The following UST variants were observed in gnomAD, a reference collection of about 807,000 sequenced individuals.
The protein encoded by UST is uronyl 2-sulfotransferase.
Under a neutral mutation model 45.6 loss-of-function variants are expected in UST, and 21 were observed. The ratio of observed to expected loss-of-function variants is 0.46; its 90% CI spans 0.33 to 0.66. The LOEUF (loss-of-function observed/expected upper bound fraction) is 0.66, where lower values mean the gene tolerates loss of function less well. Among genes scored for constraint, UST ranks in the 30% least tolerant of loss-of-function variants. The pLI is 0.02. For missense variants in UST, 463 were observed against 512.4 expected (o/e 0.90, Z 0.93); for synonymous variants, 215 against 200.6 (o/e 1.07, Z -0.61).
At chr6:148,866,678 CTCTT>C (rs1315096914) in intron 1 of UST, among the ~76,000 whole-genome samples, 1 of 152,208 alleles carries the variant, frequency 6.6e-6, no homozygotes, top group African/African-American at 2.4e-5. Flanking sequence ...ACTTCATTCT[CTCTT>C]TCCAGCTTTC....
chr6:148,846,622 A>G (rs1332569375), intron 1 of UST, among the ~76,000 whole-genome samples: 2 of 152,122 alleles, frequency 1.3e-5, no homozygotes, highest in South Asian at 2.1e-4. Context: ...ATAAAAATAA[A>G]TAAATAAATA....
chr6:148,960,517 G>A (rs1780632538), intron 4 of UST, among the ~76,000 whole-genome samples: 1 of 152,220 alleles, frequency 6.6e-6, no homozygotes, highest in African/African-American at 2.4e-5. Flanking sequence ...CTAAAAAGGA[G>A]GTAGGCTTTT....
At chr6:149,070,367 T>C (rs1776801416) in intron 7 of UST, among the ~76,000 whole-genome samples, 1 of 152,214 alleles carries the variant, frequency 6.6e-6, no homozygotes, top group African/African-American at 2.4e-5. Flanking sequence ...AGAAGACAGA[T>C]ATTATAAAAT....
chr6:148,984,892 C>T (rs545927072), intron 5 of UST, among the ~76,000 whole-genome samples: 83 of 152,280 alleles, frequency 5.5e-4, no homozygotes, highest in Non-Finnish European at 7.6e-4. Context: ...ATAGGATTGT[C>T]ATGGTACATG....
chr6:148,855,152 C>G (rs1272720130), intron 1 of UST, among the ~76,000 whole-genome samples: 1 of 152,156 alleles, frequency 6.6e-6, no homozygotes, highest in Non-Finnish European at 1.5e-5. Flanking sequence ...CATTTACCTC[C>G]CACTGGGTCT....
chr6:148,772,335 G>A (rs1021526284), intron 1 of UST, among the ~76,000 whole-genome samples: 5 of 152,120 alleles, frequency 3.3e-5, no homozygotes, highest in Non-Finnish European at 5.9e-5. Context: ...GGAGCCAGGC[G>A]ATGTGCTGGT....
rs1317609216 is a variant in UST, at chr6:148,747,421, G to C, written c.-10G>C. The C allele has an allele frequency of 7.2e-7, 1 of 1,396,652 alleles. No individual in the cohort carries two copies. Among genetic ancestry groups the C allele is most frequent in the Non-Finnish European group, 9.3e-7 (1 of 1,071,632 alleles). 86.5% of individuals were successfully genotyped at this position (1,396,652 alleles called of 1,614,324 possible). A position where few individuals can be genotyped will look rare whatever the true frequency, so the allele number is the denominator to read the frequency against. On this transcript the variant is annotated 5_prime_UTR_variant, in exon 1 of 8. Transcript: ENST00000367463. The stretch of plus-strand genomic sequence containing the variant: ...GCACGGGCAGGCTGTGGGAGGCAGC[G>C]GAGCAGGCGATGAAGAAGAAGCAGC...
intron 1 of UST, among the ~76,000 whole-genome samples, chr6:148,855,020 G>T (rs1386567763): frequency 6.6e-6 from 1 of 152,116 alleles, no homozygotes; most frequent in Middle Eastern, 3.2e-3. Context: ...ATCAAGTCAC[G>T]TCTTAAGTGG....
chr6:148,991,236 A>G (rs775838545), intron 5 of UST, among the ~76,000 whole-genome samples: 2 of 152,218 alleles, frequency 1.3e-5, no homozygotes, highest in Non-Finnish European at 2.9e-5. Context: ...ATAGTGGCAA[A>G]AAATACATCA....
intron 1 of UST, among the ~76,000 whole-genome samples, chr6:148,857,055 G>C (rs1366928646): frequency 6.6e-6 from 1 of 151,362 alleles, no homozygotes; most frequent in African/African-American, 2.4e-5. Flanking sequence ...AGGAGGGAAT[G>C]AATGTAGGTG....
intron 7 of UST, among the ~76,000 whole-genome samples, chr6:149,039,250 GA>G (rs1242114357): frequency 6.6e-6 from 1 of 152,066 alleles, no homozygotes; most frequent in African/African-American, 2.4e-5. Flanking sequence ...TTTTGAGATG[GA>G]GTTTCACTCT....
chr6:149,020,784 T>G (rs1775965328), intron 6 of UST, among the ~76,000 whole-genome samples: 2 of 152,214 alleles, frequency 1.3e-5, no homozygotes, highest in Admixed American at 1.3e-4. Flanking sequence ...TAGGCTGTTT[T>G]CCTTCTGCAA....
At chr6:149,069,813 C>T (rs1776791474) in intron 7 of UST, among the ~76,000 whole-genome samples, 1 of 152,198 alleles carries the variant, frequency 6.6e-6, no homozygotes, top group Non-Finnish European at 1.5e-5. Flanking sequence ...TATAGCAAAT[C>T]AACTCAATCC....
chr6:148,747,944 G>A (rs1260243753), intron 1 of UST, among the ~76,000 whole-genome samples: 1 of 152,130 alleles, frequency 6.6e-6, no homozygotes, highest in African/African-American at 2.4e-5. Flanking sequence ...CCTTCCCCCC[G>A]CCCCACCTCC....
At chr6:148,908,650 A>T (rs192778430) in intron 2 of UST, among the ~76,000 whole-genome samples, 11 of 152,350 alleles carry the variant, frequency 7.2e-5, no homozygotes, top group African/African-American at 2.2e-4. Context: ...AATGATTAAT[A>T]TCAAATTCTC....
At chr6:148,787,974 T>C (rs146892381) in intron 1 of UST, among the ~76,000 whole-genome samples, 5 of 152,304 alleles carry the variant, frequency 3.3e-5, no homozygotes, top group African/African-American at 1.2e-4. Flanking sequence ...ATAGATTGCT[T>C]GTATTAGTCT....
At chr6:148,866,294 T>G (rs921936077) in intron 1 of UST, among the ~76,000 whole-genome samples, 3 of 152,188 alleles carry the variant, frequency 2.0e-5, no homozygotes, top group Non-Finnish European at 4.4e-5. Context: ...AATCTGCCCC[T>G]TTATTAAATT....
chr6:149,067,766 T>G (rs891937262), intron 7 of UST, among the ~76,000 whole-genome samples: 9 of 152,196 alleles, frequency 5.9e-5, no homozygotes, highest in Non-Finnish European at 4.4e-5. Context: ...GAGCCAGTAC[T>G]TTCCAGTCAT....
At chr6:148,915,453 G>T (rs1779570312) in intron 2 of UST, among the ~76,000 whole-genome samples, 1 of 152,070 alleles carries the variant, frequency 6.6e-6, no homozygotes, top group African/African-American at 2.4e-5. Context: ...GGAAAAAAAA[G>T]CCCTACCTCC....
Sources: gnomAD v4.1 joint callset for allele counts (sites outside exome capture counted in the v4.1 genomes callset) on GRCh38, gnomAD v4.1.1 for gene constraint, MANE v1.5 for transcripts, NCBI Gene and HGNC (gene_info 2026-07-23, HGNC 2026-07-21) for gene names.